Variants in MYOF observed in about 807,000 individuals in gnomAD.
MYOF encodes the protein fer-1-like 3, myoferlin.
In MYOF, 244 loss-of-function variants were observed where a neutral mutation model predicts 284.2. The ratio of observed to expected loss-of-function variants is 0.86; its 90% CI spans 0.77 to 0.95. The LOEUF (loss-of-function observed/expected upper bound fraction) is 0.95. MYOF is among the 40% of genes least tolerant of loss of function. The probability of loss-of-function intolerance (pLI) is 0.00; values close to 1 mark genes in which losing one functional copy is unlikely to be tolerated. For missense variants in MYOF, 2,496 were observed against 2,560.6 expected (o/e 0.97, Z 0.54); for synonymous variants, 904 against 919.7 (o/e 0.98, Z 0.31).
intron 7 of MYOF, 101 bp downstream of exon 7, chr10:93,408,686 T>TG: frequency 1.3e-6 from 2 of 1,494,900 alleles, no homozygotes; most frequent in Non-Finnish European, 1.8e-6. Context: ...TCCTGTGATC[T>TG]CTACTTGGAA....
chr10:93,383,492 G>A (rs1846220281), intron 19 of MYOF, among the ~76,000 whole-genome samples: 1 of 152,138 alleles, frequency 6.6e-6, no homozygotes, highest in Non-Finnish European at 1.5e-5. Context: ...TTAGTCCACT[G>A]TCACCTTGAT....
chr10:93,367,432 G>A (rs1398447196), intron 25 of MYOF, among the ~76,000 whole-genome samples: 1 of 152,142 alleles, frequency 6.6e-6, no homozygotes, highest in Non-Finnish European at 1.5e-5. Context: ...ATTTGAGTGG[G>A]GGCCTGATTA....
At chr10:93,355,866 C>T (rs1256736045) in intron 30 of MYOF, 130 bp from the exon 31 acceptor site, 7 of 630,930 alleles carry the variant, frequency 1.1e-5, no homozygotes, top group Non-Finnish European at 1.6e-5. Context: ...TGCAAACACC[C>T]CATTTTTAAA....
intron 24 of MYOF, among the ~76,000 whole-genome samples, chr10:93,370,873 T>A (rs1434984363): frequency 6.6e-6 from 1 of 152,054 alleles, no homozygotes; most frequent in African/African-American, 2.4e-5. Flanking sequence ...AGGATTTTTT[T>A]TTTAAACATA....
chr10:93,336,475 C>G (rs928101197), intron 40 of MYOF, among the ~76,000 whole-genome samples: 1 of 152,164 alleles, frequency 6.6e-6, no homozygotes, highest in Non-Finnish European at 1.5e-5. Context: ...GCCAGACACA[C>G]AAAACATAAA....
chr10:93,482,115 A>T lies in MYOF; in HGVS notation c.80T>A (p.Ile27Asn). 6.2e-7 allele frequency: 1 copy of T among 1,613,726 alleles called. No homozygotes were observed. Among genetic ancestry groups the T allele is most frequent in the Non-Finnish European group, 8.5e-7 (1 of 1,179,722 alleles). Reference protein sequence around the residue: ...FGKPDPIVSVIFKDEKKKTKK... With the variant: ...FGKPDPIVSVNFKDEKKKTKK... ...AGAAAACTTTTTCTTACCCTTAAAA[A>T]TGACAGAAACAATAGGATCCGGCTT... The change falls in exon 1 of 54, where the codon ATT becomes AAT. Residue 27 changes from isoleucine (I) to asparagine (N), a missense_variant. Ile to Asn is a moderately radical substitution (Grantham distance 149). Around this residue, in one of 3 missense-constraint regions of MYOF, gnomAD observed 57 missense variants for 62.4 expected, o/e 0.91. Transcript: ENST00000359263.
At chr10:93,378,033 A>T (rs1195822919) in intron 21 of MYOF, among the ~76,000 whole-genome samples, 1 of 152,248 alleles carries the variant, frequency 6.6e-6, no homozygotes, top group Non-Finnish European at 1.5e-5. Flanking sequence ...TTTCAGTAGT[A>T]GTGAGCACTG....
At chr10:93,332,815 C>G (rs536849269) in intron 43 of MYOF, among the ~76,000 whole-genome samples, 1 of 152,090 alleles carries the variant, frequency 6.6e-6, no homozygotes, top group Non-Finnish European at 1.5e-5. Context: ...CCACTGCACT[C>G]CAGCATGGGT....
chr10:93,374,575 C>T lies in MYOF; in HGVS notation c.2301+188G>A, dbSNP rs1361225251. Among the ~76,000 whole-genome samples, 5 of 152,344 alleles carry T rather than the reference C, an allele frequency of 3.3e-5. No individual in the cohort carries two copies. The East Asian group carries it at 9.6e-4, about 29-fold the overall frequency. ...TCACCAACTCAAAATTCTTCCCCTG[C>T]TCTGATTTCAATCACATTCATCATT... On this transcript the variant is annotated intron_variant, in intron 23 of 53. Coordinates refer to ENST00000359263, the MANE Select transcript of MYOF (RefSeq NM_013451.4).
chr10:93,343,389 T>C (rs2133857081), intron 38 of MYOF, among the ~76,000 whole-genome samples: 1 of 152,336 alleles, frequency 6.6e-6, no homozygotes, highest in African/African-American at 2.4e-5. Context: ...TTCTGCTTTA[T>C]GTAGGGGGAA....
chr10:93,314,722 C>G (rs1038858994), intron 50 of MYOF, among the ~76,000 whole-genome samples: 3 of 152,170 alleles, frequency 2.0e-5, no homozygotes, highest in African/African-American at 7.2e-5. Flanking sequence ...CACAGTCATT[C>G]TCTTTATTTG....
intron 18 of MYOF, 96 bp from the exon 19 acceptor site, chr10:93,388,009 C>G: frequency 1.1e-6 from 1 of 911,184 alleles, no homozygotes; most frequent in Non-Finnish European, 1.8e-6. Context: ...AAAAGTTTCT[C>G]CTTCCCATGG....
chr10:93,477,489 TG>T (rs1329767457), intron 1 of MYOF, among the ~76,000 whole-genome samples: 196 of 8,742 alleles, frequency 0.022, no homozygotes, highest in African/African-American at 0.047. Flanking sequence ...CGAAACTCTG[TG>T]TAAAAAAAGA....
At chr10:93,381,633 CAA>C (rs1846118274) in intron 19 of MYOF, among the ~76,000 whole-genome samples, 1 of 152,176 alleles carries the variant, frequency 6.6e-6, no homozygotes, top group Admixed American at 6.5e-5. Flanking sequence ...AAACAGTACA[CAA>C]GTCTTTCAGT....
intron 41 of MYOF, 102 bp downstream of exon 41, chr10:93,335,819 C>T: frequency 7.2e-7 from 1 of 1,396,424 alleles, no homozygotes; most frequent in Non-Finnish European, 9.6e-7. Flanking sequence ...CCCTCAGAGG[C>T]TGCAGGATGT....
intron 3 of MYOF, among the ~76,000 whole-genome samples, chr10:93,444,899 C>G (rs1465533627): frequency 6.6e-6 from 1 of 152,178 alleles, no homozygotes; most frequent in Non-Finnish European, 1.5e-5. Context: ...CCCTCTGAGG[C>G]TCAAGTCTAC....
At chr10:93,309,667 G>A (rs1256624243) in intron 53 of MYOF, among the ~76,000 whole-genome samples, 1 of 152,124 alleles carries the variant, frequency 6.6e-6, no homozygotes, top group Non-Finnish European at 1.5e-5. Context: ...CAAGGAATTA[G>A]GATGCAGGAT....
intron 7 of MYOF, among the ~76,000 whole-genome samples, chr10:93,404,963 T>C (rs1296669807): frequency 6.6e-6 from 1 of 152,210 alleles, no homozygotes; most frequent in Non-Finnish European, 1.5e-5. Flanking sequence ...TAAATGTTAA[T>C]CCTAAAAGAT....
At position 93,313,100 on chromosome 10, in the gene MYOF, T is replaced by C; in HGVS notation, c.5809A>G (p.Thr1937Ala). The stretch of plus-strand genomic sequence containing the variant: ...GACTTCTGCTCAAAGAGGGAGGCTG[T>C]CTTGGCTTTAAGGGGGTTCATGGCT... ...LKAMNPLKAKTASLFEQKSMK... is the reference protein window; with the variant it reads ...LKAMNPLKAKAASLFEQKSMK... The change falls in exon 51 of 54, where the codon ACA becomes GCA. Residue 1937 changes from threonine (T) to alanine (A), a missense_variant. By Grantham distance (58) the Thr-to-Ala change is moderately conservative (BLOSUM62 0). This residue lies in a region of MYOF where 2,436 missense variants were observed against 2,480.7 expected (regional missense o/e 0.98). Transcript: ENST00000359263. 2 of 1,614,154 alleles carry C rather than the reference T, an allele frequency of 1.2e-6. No individual in the cohort carries two copies. The highest frequency in any genetic ancestry group is 1.7e-6 in the Non-Finnish European group (2 of 1,180,000).
Sources: allele counts gnomAD v4.1 joint callset (sites outside exome capture counted in the v4.1 genomes callset), GRCh38; gene constraint gnomAD v4.1.1; regional missense constraint gnomAD v4.1.1; transcripts MANE v1.5; gene names NCBI Gene and HGNC (gene_info 2026-07-23, HGNC 2026-07-21).